PHF2: variants seen among roughly 807,000 people sequenced by gnomAD.
PHF2 encodes the protein PHD finger protein 2, also known as lysine-specific demethylase PHF2.
A neutral mutation model predicts 120.5 loss-of-function variants in PHF2; 27 were observed. That is an observed-to-expected ratio of 0.22 (90% CI 0.17 to 0.31). The LOEUF (loss-of-function observed/expected upper bound fraction) is 0.31, where lower values mean the gene tolerates loss of function less well. Ranked by LOEUF, PHF2 falls within the 10% of genes least tolerant of loss-of-function variation. The pLI is 1.00. For missense variants in PHF2, 1,024 were observed against 1,434.8 expected (o/e 0.71, Z 4.63); for synonymous variants, 568 against 592.5 (o/e 0.96, Z 0.60).
chr9:93,675,416 A>G (rs1026287092), intron 19 of PHF2, among the ~76,000 whole-genome samples: 1 of 152,086 alleles, frequency 6.6e-6, no homozygotes, highest in Non-Finnish European at 1.5e-5. Context: ...CACCTTCCAC[A>G]TTACCCTCAC....
intron 12 of PHF2, among the ~76,000 whole-genome samples, chr9:93,661,074 C>T (rs1162299888): frequency 3.3e-5 from 5 of 152,162 alleles, no homozygotes; most frequent in South Asian, 2.1e-4. Flanking sequence ...AGGGAGAATG[C>T]CATTGGAGGG....
rs10992810 is a variant in PHF2, at chr9:93,629,746, C to T, written c.99-224C>T. Among the ~76,000 whole-genome samples, 381 of 152,284 alleles carry T rather than the reference C, an allele frequency of 2.5e-3. 4 individuals carry two copies. The highest frequency in any genetic ancestry group is 4.7e-3 in the Non-Finnish European group (318 of 68,016). On this transcript the variant is annotated intron_variant, in intron 1 of 21. Coordinates refer to ENST00000359246, the MANE Select transcript of PHF2 (RefSeq NM_005392.4). ...GTCCTCATGGTGGGGCATATCCAGA[C>T]GCTGTATCTAGGTCCAGGCTGCAGA...
At chr9:93,633,856 T>TC (rs1357903282) in intron 2 of PHF2, among the ~76,000 whole-genome samples, 1 of 151,948 alleles carries the variant, frequency 6.6e-6, no homozygotes, top group African/African-American at 2.4e-5. Context: ...CTGGCTCCCC[T>TC]CCGTGGCACC....
intron 1 of PHF2, among the ~76,000 whole-genome samples, chr9:93,578,525 G>T (rs1476288099): frequency 6.6e-6 from 1 of 152,206 alleles, no homozygotes; most frequent in Non-Finnish European, 1.5e-5. Context: ...CCTGGCGAGC[G>T]CAGTCACTCT....
At chr9:93,643,937 A>C (rs1826210740) in intron 3 of PHF2, among the ~76,000 whole-genome samples, 2 of 151,814 alleles carry the variant, frequency 1.3e-5, no homozygotes, top group Non-Finnish European at 2.9e-5. Context: ...AGACTTACTG[A>C]TCTCCTGAAC....
Position 93,675,866 on chromosome 9 carries a change from AC to A in PHF2, c.2832+79del, listed in dbSNP as rs1469568584. The A allele has an allele frequency of 4.5e-6, 5 of 1,099,152 alleles. No homozygotes were observed. In the African/African-American group the frequency reaches 7.6e-5, roughly 17 times the overall value. The allele number at this position is 1,099,152 out of a possible 1,614,324, so 68.1% of individuals were successfully genotyped here. On this transcript the variant is annotated intron_variant, in intron 20 of 21. Transcript: ENST00000359246. ...CTGGTGGGCTCAGGTTCCCCAAGGC[AC>A]CTGTTTCTCCACCCCATACACAGAC...
At position 93,608,336 on chromosome 9, in the gene PHF2, T is replaced by TAA. The variant is rs75762876; in HGVS notation, c.99-21634_99-21633insAA. On this transcript the variant is annotated intron_variant, in intron 1 of 21. Coordinates refer to ENST00000359246, the MANE Select transcript of PHF2 (RefSeq NM_005392.4). The stretch of plus-strand genomic sequence containing the variant: ...AGACACTGTCTCATAATAATAATAA[T>TAA]TATTATTTTTGTACATCGTTGGTTT... Among the ~76,000 whole-genome samples, 9 of 150,484 alleles carry TAA rather than the reference T, an allele frequency of 6.0e-5. No individual in the cohort carries two copies. The East Asian group carries it at 9.8e-4, about 16-fold the overall frequency.
chr9:93,676,818 C>G lies in PHF2; in HGVS notation c.3057C>G (p.Ser1019Arg). ...AGCCCCCGCCTGAGTCGCATAGCAGCAGCCTGGCGGACCATGAGTACACAG... is the reference window on the plus strand; with the variant it reads ...AGCCCCCGCCTGAGTCGCATAGCAGGAGCCTGGCGGACCATGAGTACACAG... ...SPEPPPESHS[S>R]SLADHEYTAA... Residue 1019 changes from serine to arginine, a missense_variant, in exon 21 of 22, where the codon AGC becomes AGG. Physicochemically the swap from Ser to Arg is moderately radical, Grantham distance 110. Coordinates refer to ENST00000359246, the MANE Select transcript of PHF2 (RefSeq NM_005392.4). 6.4e-7 allele frequency: 1 copy of G among 1,555,976 alleles called. No individual in the cohort carries two copies. Among genetic ancestry groups the G allele is most frequent in the Non-Finnish European group, 8.7e-7 (1 of 1,149,504 alleles).
chr9:93,677,055 G>A lies in PHF2; in HGVS notation c.3202+92G>A. ...CATGCAGACTCGGCCCATGGTAGAGGGCAGCACATTGGGAGGGCTCCTGGG... is the reference window on the plus strand; with the variant it reads ...CATGCAGACTCGGCCCATGGTAGAGAGCAGCACATTGGGAGGGCTCCTGGG... On this transcript the variant is annotated intron_variant, in intron 21 of 21. Transcript: ENST00000359246. This position sits in a 1 kb window ranked among gnomAD's most constrained non-coding sequence, Gnocchi z 4.4. The A allele has an allele frequency of 2.2e-6, 3 of 1,372,842 alleles. No individual in the cohort carries two copies. The highest frequency in any genetic ancestry group is 2.9e-6 in the Non-Finnish European group (3 of 1,030,396). The allele number at this position is 1,372,842 out of a possible 1,614,324, so 85.0% of individuals were successfully genotyped here. A position where few individuals can be genotyped will look rare whatever the true frequency, so the allele number is the denominator to read the frequency against.
At chr9:93,676,033 G>A (rs953571902) in intron 20 of PHF2, among the ~76,000 whole-genome samples, 3 of 152,194 alleles carry the variant, frequency 2.0e-5, no homozygotes, top group Admixed American at 1.3e-4. Context: ...AGCCCTATTC[G>A]TGCCAAGGCT....
chr9:93,622,522 C>G (rs1192719080), intron 1 of PHF2, among the ~76,000 whole-genome samples: 4 of 152,268 alleles, frequency 2.6e-5, no homozygotes, highest in Admixed American at 1.3e-4. Flanking sequence ...AGGGCAACGT[C>G]TGTGAGAGCT....
At position 93,676,529 on chromosome 9, in the gene PHF2, G is replaced by A. The variant is rs1018895971; in HGVS notation, c.2833-65G>A. On this transcript the variant is annotated intron_variant, in intron 20 of 21. Transcript: ENST00000359246. ...GGCCCCTGGCAAGGCCATGCCGGGA[G>A]CTCCCTGCTCTGTTGGCCCAAGTGG... The A allele has an allele frequency of 9.8e-6, 15 of 1,530,554 alleles. No individual in the cohort carries two copies. The Admixed American group carries it at 1.3e-4, about 14-fold the overall frequency. The allele number at this position is 1,530,554 out of a possible 1,614,324, so 94.8% of individuals were successfully genotyped here.
intron 1 of PHF2, among the ~76,000 whole-genome samples, chr9:93,597,663 G>A (rs1398583627): frequency 6.6e-6 from 1 of 152,174 alleles, no homozygotes; most frequent in Non-Finnish European, 1.5e-5. Flanking sequence ...GGAGCCTGGT[G>A]TAGTCCTGAG....
chr9:93,616,712 A>G (rs1825735314), intron 1 of PHF2, among the ~76,000 whole-genome samples: 1 of 151,450 alleles, frequency 6.6e-6, no homozygotes, highest in Non-Finnish European at 1.5e-5. Flanking sequence ...CTGGAGTGCA[A>G]TGGCTCAATC....
intron 1 of PHF2, among the ~76,000 whole-genome samples, chr9:93,581,625 C>T (rs923213097): frequency 6.6e-6 from 1 of 152,166 alleles, no homozygotes; most frequent in African/African-American, 2.4e-5. Flanking sequence ...GGAGCTTCAT[C>T]TTAATTGTCA....
chr9:93,643,565 G>A (rs886871231), intron 3 of PHF2, among the ~76,000 whole-genome samples: 41 of 152,274 alleles, frequency 2.7e-4, no homozygotes, highest in African/African-American at 9.9e-4. Flanking sequence ...GCAAAATTAG[G>A]CATTGCAGCC....
chr9:93,633,492 C>T (rs780022012), intron 2 of PHF2, among the ~76,000 whole-genome samples: 2 of 152,230 alleles, frequency 1.3e-5, no homozygotes, highest in African/African-American at 2.4e-5. Context: ...GTTGGGGTGA[C>T]TCTGCTCAGC....
chr9:93,660,315 C>T lies in PHF2; in HGVS notation c.1453C>T (p.Leu485=), dbSNP rs1319793705. The stretch of plus-strand genomic sequence containing the variant: ...TGAGGCCACCCCGCCTCAATCCCTC[C>T]TGGAGAAAGTGTCCAAAAAAAAGAC... ...PIEATPPQSL[L]EKVSKKKTPK... is the part of the protein sequence containing the mutation. The change falls in exon 12 of 22, where the codon CTG becomes TTG. Residue 485 remains leucine, a synonymous_variant. Coordinates refer to ENST00000359246, the MANE Select transcript of PHF2 (RefSeq NM_005392.4). 17 of 1,610,514 alleles carry T rather than the reference C, an allele frequency of 1.1e-5. No homozygotes were observed. The highest frequency in any genetic ancestry group is 1.4e-5 in the Non-Finnish European group (17 of 1,178,810).
chr9:93,648,837 G>A (rs964930602), intron 4 of PHF2, among the ~76,000 whole-genome samples: 3 of 152,128 alleles, frequency 2.0e-5, no homozygotes, highest in Non-Finnish European at 4.4e-5. Flanking sequence ...GCTGAGGCCT[G>A]TGACCTGGCC....
Sources: gnomAD v4.1 joint callset for allele counts (sites outside exome capture counted in the v4.1 genomes callset) on GRCh38, gnomAD v4.1.1 for gene constraint, Gnocchi (gnomAD v3.1) non-coding constraint, MANE v1.5 for transcripts, NCBI Gene and HGNC (gene_info 2026-07-23, HGNC 2026-07-21) for gene names.